Variants in CNTLN observed in about 807,000 individuals in gnomAD.
CNTLN encodes the protein centlein, centrosomal protein.
A neutral mutation model predicts 180.0 loss-of-function variants in CNTLN; 212 were observed. The ratio of observed to expected loss-of-function variants is 1.18; its 90% CI spans 1.05 to 1.32. The LOEUF (loss-of-function observed/expected upper bound fraction) is 1.32, where lower values mean the gene tolerates loss of function less well. Among genes scored for constraint, CNTLN ranks in the 40% most tolerant of loss-of-function variants. The probability of loss-of-function intolerance (pLI) is 0.00; values close to 1 mark genes in which losing one functional copy is unlikely to be tolerated. For synonymous variants in CNTLN, 722 were observed against 563.1 expected (o/e 1.28, Z -3.99); for missense variants, 2,095 against 1,610.9 (o/e 1.30, Z -5.14).
intron 18 of CNTLN, among the ~76,000 whole-genome samples, chr9:17,426,192 C>G (rs901859402): frequency 6.6e-6 from 1 of 152,060 alleles, no homozygotes; most frequent in African/African-American, 2.4e-5. Flanking sequence ...CTGGATGGGC[C>G]AATAGATCTA....
intron 2 of CNTLN, among the ~76,000 whole-genome samples, chr9:17,170,957 G>T (rs1473288232): frequency 6.6e-6 from 1 of 152,102 alleles, no homozygotes; most frequent in Non-Finnish European, 1.5e-5. Flanking sequence ...GTACAGGTTT[G>T]TAGCTTGAGA....
chr9:17,355,567 T>C (rs1280182609), intron 12 of CNTLN, among the ~76,000 whole-genome samples: 1 of 152,240 alleles, frequency 6.6e-6, no homozygotes, highest in Non-Finnish European at 1.5e-5. Flanking sequence ...TAGTTTTAAC[T>C]CTTATATTTA....
rs764422363 is a variant in CNTLN at position 17,487,041 on chromosome 9, A to G, written c.4094A>G (p.Tyr1365Cys). 1.9e-6 allele frequency: 3 copies of G among 1,601,662 alleles called. No individual in the cohort carries two copies. In the South Asian group the frequency reaches 3.4e-5, roughly 18 times the overall value. Residue 1365 changes from tyrosine (Y) to cysteine (C), a missense_variant, in exon 25 of 26, where the codon TAC (tyrosine) becomes TGC (cysteine). Coordinates refer to ENST00000380647, the MANE Select transcript of CNTLN (RefSeq NM_017738.4). The stretch of plus-strand genomic sequence containing the variant: ...GAAAATGACAAGGAATGGATGTTGT[A>G]CATTCAGAAACTTCTTGAAGGACAG... ...DAENDKEWML[Y>C]IQKLLEGQLP...
intron 2 of CNTLN, among the ~76,000 whole-genome samples, chr9:17,163,790 G>A (rs753298833): frequency 3.9e-5 from 6 of 152,182 alleles, no homozygotes; most frequent in African/African-American, 7.2e-5. Flanking sequence ...CACTTTGGGC[G>A]GCTGAGGCAT....
At chr9:17,135,824 A>G (rs2131380652) in intron 1 of CNTLN, among the ~76,000 whole-genome samples, 1 of 152,352 alleles carries the variant, frequency 6.6e-6, no homozygotes, top group East Asian at 1.9e-4. Context: ...CACTTCGGTT[A>G]GAGTAAAATC....
At chr9:17,487,171 C>A in intron 25 of CNTLN, 105 bp downstream of exon 25, 1 of 758,564 alleles carries the variant, frequency 1.3e-6, no homozygotes. Flanking sequence ...CCATTGTTTA[C>A]TTCTGTTAGG....
chr9:17,478,482 C>G (rs1832471283), intron 23 of CNTLN, among the ~76,000 whole-genome samples: 3 of 151,762 alleles, frequency 2.0e-5, no homozygotes, highest in Admixed American at 2.0e-4. Context: ...ATTGTCCAGA[C>G]CAGTGTCATA....
chr9:17,179,313 A>C (rs1156576831), intron 2 of CNTLN, among the ~76,000 whole-genome samples: 1 of 151,242 alleles, frequency 6.6e-6, no homozygotes, highest in Non-Finnish European at 1.5e-5. Flanking sequence ...TGTAACGTAC[A>C]CCTTTAATTT....
chr9:17,352,758 G>A (rs1822486381), intron 12 of CNTLN, among the ~76,000 whole-genome samples: 1 of 151,998 alleles, frequency 6.6e-6, no homozygotes, highest in Non-Finnish European at 1.5e-5. Context: ...TCTGCTTTCT[G>A]TTTCTATGGA....
intron 12 of CNTLN, among the ~76,000 whole-genome samples, chr9:17,359,744 A>ACAAAAAAAAAAAAAAAAAAAAAG (rs1384389931): frequency 2.0e-5 from 1 of 50,204 alleles, no homozygotes; most frequent in African/African-American, 5.3e-5. Flanking sequence ...AAAAAAAAAA[A>ACAAAAAAAAAAAAAAAAAAAAAG]AAAAAACTAG....
At chr9:17,496,461 C>G (rs780579953) in intron 25 of CNTLN, among the ~76,000 whole-genome samples, 1 of 152,162 alleles carries the variant, frequency 6.6e-6, no homozygotes, top group Non-Finnish European at 1.5e-5. Flanking sequence ...TATAAGGCTA[C>G]TAATCCCATT....
intron 8 of CNTLN, among the ~76,000 whole-genome samples, chr9:17,323,157 T>A (rs1411063342): frequency 1.3e-5 from 2 of 152,152 alleles, no homozygotes; most frequent in African/African-American, 4.8e-5. Context: ...TTTTTTCATA[T>A]AAAGCTGGAT....
At chr9:17,322,041 G>C (rs1020357371) in intron 8 of CNTLN, among the ~76,000 whole-genome samples, 5 of 152,020 alleles carry the variant, frequency 3.3e-5, no homozygotes, top group Non-Finnish European at 5.9e-5. Flanking sequence ...AAGTTGACTT[G>C]ATTTATTCTT....
chr9:17,370,535 A>G (rs532699321), intron 13 of CNTLN, among the ~76,000 whole-genome samples: 3 of 152,328 alleles, frequency 2.0e-5, no homozygotes, highest in African/African-American at 7.2e-5. Flanking sequence ...CATCAACACC[A>G]TACCTATCCT....
chr9:17,137,892 TA>T (rs1414795615), intron 1 of CNTLN, among the ~76,000 whole-genome samples: 1 of 152,188 alleles, frequency 6.6e-6, no homozygotes, highest in East Asian at 1.9e-4. Context: ...GTGATTGTAT[TA>T]TCTAATTAAA....
At chr9:17,213,796 T>A (rs138891911) in intron 2 of CNTLN, among the ~76,000 whole-genome samples, 4,944 of 152,306 alleles carry the variant, frequency 0.032, 125 homozygotes, top group South Asian at 0.14. Context: ...AATTGATCCC[T>A]TTACCATTAT....
intron 6 of CNTLN, among the ~76,000 whole-genome samples, chr9:17,297,625 C>T (rs1216533166): frequency 2.0e-5 from 3 of 152,144 alleles, no homozygotes; most frequent in East Asian, 1.9e-4. Context: ...TTTCTTGTGA[C>T]TTTCTGACTC....
intron 23 of CNTLN, among the ~76,000 whole-genome samples, chr9:17,480,946 A>G (rs1832611611): frequency 6.6e-6 from 1 of 152,234 alleles, no homozygotes; most frequent in Non-Finnish European, 1.5e-5. Context: ...GTAATACACA[A>G]AAACAAATTT....
At chr9:17,464,421 A>G (rs1232659107) in intron 20 of CNTLN, 76 bp from the exon 21 acceptor site, 5 of 1,268,636 alleles carry the variant, frequency 3.9e-6, no homozygotes, top group East Asian at 5.3e-5. Flanking sequence ...TAGGTATAAT[A>G]TTGGATAAAA....
Sources: gnomAD v4.1 joint callset for allele counts (sites outside exome capture counted in the v4.1 genomes callset) on GRCh38, gnomAD v4.1.1 for gene constraint, MANE v1.5 for transcripts, NCBI Gene and HGNC (gene_info 2026-07-23, HGNC 2026-07-21) for gene names.